Variants in RNF213 observed in about 807,000 individuals in gnomAD.
RNF213 encodes the protein E3 ubiquitin-protein ligase RNF213.
In RNF213, 341 loss-of-function variants were observed where a neutral mutation model predicts 514.4. That is an observed-to-expected ratio of 0.66 (90% CI 0.61 to 0.73). The LOEUF is 0.73. RNF213 is among the 30% of genes least tolerant of loss of function. RNF213 has a pLI of 0.00. For synonymous variants in RNF213, 2,655 were observed against 2,658.2 expected (o/e 1.00, Z 0.04); for missense variants, 5,767 against 6,615.6 (o/e 0.87, Z 4.45).
chr17:80,320,249 C>T (rs2046094067), intron 17 of RNF213: 1 of 153,728 alleles, frequency 6.5e-6, no homozygotes, highest in Non-Finnish European at 1.4e-5. Context: ...GCTTCTGTGG[C>T]TTTCTCTGTT....
intron 64 of RNF213, 161 bp from the exon 65 acceptor site, chr17:80,389,012 C>T (rs1190259662): frequency 1.5e-6 from 1 of 685,180 alleles, no homozygotes; most frequent in African/African-American, 1.8e-5. Context: ...TCTCCATGGC[C>T]TCCAGGAACT....
intron 25 of RNF213, among the ~76,000 whole-genome samples, chr17:80,338,783 A>G (rs893544527): frequency 4.0e-5 from 6 of 151,800 alleles, no homozygotes; most frequent in African/African-American, 1.5e-4. Context: ...CCCCATCTCT[A>G]CTAAAATTAC....
chr17:80,379,653 G>T lies in RNF213; in HGVS notation c.13579G>T (p.Asp4527Tyr), dbSNP rs2079905958. The T allele has an allele frequency of 6.2e-7, 1 of 1,614,116 alleles. No individual in the cohort carries two copies. Among genetic ancestry groups the T allele is most frequent in the South Asian group, 1.1e-5 (1 of 91,078 alleles). The change falls in exon 55 of 68, where the codon GAC (aspartate) becomes TAC (tyrosine). Residue 4527 changes from aspartate to tyrosine, a missense_variant. Asp to Tyr is a radical substitution (Grantham distance 160, BLOSUM62 -3). Transcript: ENST00000582970. ...GCCGATGGAACAGAGCATCTGCATTGACTGCCATGCGCCGATTGGAGGCAT... is the reference window on the plus strand; with the variant it reads ...GCCGATGGAACAGAGCATCTGCATTTACTGCCATGCGCCGATTGGAGGCAT... ...GRPMEQSICI[D>Y]CHAPIGGIDH... is the part of the protein sequence containing the mutation.
intron 67 of RNF213, among the ~76,000 whole-genome samples, chr17:80,391,049 G>A (rs533957807): frequency 4.9e-4 from 75 of 152,154 alleles, no homozygotes; most frequent in African/African-American, 1.6e-3. Flanking sequence ...GCAACAGAGG[G>A]AGACTTCATC....
At position 80,339,571 on chromosome 17, in the gene RNF213, A is replaced by C; in HGVS notation, c.5204A>C (p.Asn1735Thr). ...ACGATGCTATCCTTCATCAAAAGCA[A>C]CTGCACCCTGAGGGATGTCTTAAGG... ...ALTMLSFIKS[N>T]CTLRDVLRAS... The change falls in exon 26 of 68, where the codon AAC (asparagine) becomes ACC (threonine). Residue 1735 changes from asparagine to threonine, a missense_variant. Coordinates refer to ENST00000582970, the MANE Select transcript of RNF213 (RefSeq NM_001256071.3). The C allele has an allele frequency of 6.5e-7, 1 of 1,537,164 alleles. No individual in the cohort carries two copies. Among genetic ancestry groups the C allele is most frequent in the Non-Finnish European group, 8.7e-7 (1 of 1,146,874 alleles).
intron 12 of RNF213, 132 bp downstream of exon 12, chr17:80,306,600 C>T: frequency 1.1e-6 from 1 of 918,654 alleles, no homozygotes; most frequent in East Asian, 2.7e-5. Flanking sequence ...CGCCTGAATC[C>T]CAGCACTTTG....
At position 80,359,729 on chromosome 17, in the gene RNF213, CA is replaced by C. The variant is rs1211836036; in HGVS notation, c.11055-330del. 4.6e-5 allele frequency among the ~76,000 whole-genome samples: 7 copies of C among 152,162 alleles called. No individual in the cohort carries two copies. In the East Asian group the frequency reaches 1.3e-3, roughly 29 times the overall value. On this transcript the variant is annotated intron_variant, in intron 37 of 67. Transcript: ENST00000582970. ...GATGTTCATGAAGCAAAGACTCTAACAAGTTGTGCTCTGTGTTACAAGTTAT... is the reference window on the plus strand; with the variant it reads ...GATGTTCATGAAGCAAAGACTCTAACAGTTGTGCTCTGTGTTACAAGTTAT...
At chr17:80,277,804 G>T (rs748901672) in intron 3 of RNF213, among the ~76,000 whole-genome samples, 3 of 152,160 alleles carry the variant, frequency 2.0e-5, no homozygotes, top group Non-Finnish European at 2.9e-5. Flanking sequence ...CGCAGACGCC[G>T]CATTCTAACC....
At chr17:80,319,773 T>A (rs2046076002) in intron 17 of RNF213, 2 of 1,271,218 alleles carry the variant, frequency 1.6e-6, no homozygotes, top group Admixed American at 6.7e-5. Context: ...GGGGAAGAGA[T>A]TGTGCCCCCC....
chr17:80,340,608 G>GTT lies in RNF213; in HGVS notation c.5989+252_5989+253insTT, dbSNP rs1203042611. 1.5e-3 allele frequency: 344 copies of GTT among 224,806 alleles called. 2 individuals are homozygous for GTT. The highest frequency in any genetic ancestry group is 2.1e-3 in the Non-Finnish European group (263 of 123,616). The allele number at this position is 224,806 out of a possible 1,614,324, so 13.9% of individuals were successfully genotyped here. On this transcript the variant is annotated intron_variant, in intron 26 of 67. Coordinates refer to ENST00000582970, the MANE Select transcript of RNF213 (RefSeq NM_001256071.3). ...CAAACATCTCTGCAGTGTACTTTGTGGTTTTTTTTTTTTTTTTTTTTTTTT... is the reference window on the plus strand; with the variant it reads ...CAAACATCTCTGCAGTGTACTTTGTGTTGTTTTTTTTTTTTTTTTTTTTTTTT...
intron 20 of RNF213, among the ~76,000 whole-genome samples, chr17:80,330,783 G>A (rs937640297): frequency 6.6e-6 from 1 of 152,214 alleles, no homozygotes; most frequent in Non-Finnish European, 1.5e-5. Context: ...CACCTGCTGT[G>A]TCAGGGCATT....
chr17:80,380,417 G>A (rs1348119837), intron 55 of RNF213, among the ~76,000 whole-genome samples: 2 of 152,254 alleles, frequency 1.3e-5, no homozygotes, highest in Non-Finnish European at 2.9e-5. Flanking sequence ...CTCTCTGCCG[G>A]ACTTTAGATC....
Position 80,398,189 on chromosome 17 carries a change from G to A in RNF213, c.*4691G>A, listed in dbSNP as rs1247955713. 3 of 151,916 alleles carry A rather than the reference G, an allele frequency of 2.0e-5. No individual in the cohort carries two copies. The highest frequency in any genetic ancestry group is 4.4e-5 in the Non-Finnish European group (3 of 68,026). 9.4% of individuals were successfully genotyped at this position (151,916 alleles called of 1,614,324 possible). On this transcript the variant is annotated 3_prime_UTR_variant, in exon 68 of 68. Transcript: ENST00000582970. ...GATACTTTGGTTTTGGTTTTGACCT[G>A]ACTTGGATATCCTGATACTCTGATT...
rs1275049093 is a variant in RNF213 at position 80,317,172 on chromosome 17, T to G, written c.2812-16T>G. ...TAGTCGTGAGAGTGGGTGTGACCTGTGTGCGGGTTTTGCAGGTCTGGAGGC... is the reference window on the plus strand; with the variant it reads ...TAGTCGTGAGAGTGGGTGTGACCTGGGTGCGGGTTTTGCAGGTCTGGAGGC... On this transcript the variant is annotated splice_polypyrimidine_tract_variant and intron_variant, in intron 15 of 67. Transcript: ENST00000582970. The surrounding 1 kb of genome is among the most constrained non-coding windows in gnomAD (Gnocchi z 4.1). The G allele has an allele frequency of 6.2e-7, 1 of 1,609,428 alleles. No homozygotes were observed. The highest frequency in any genetic ancestry group is 8.5e-7 in the Non-Finnish European group (1 of 1,178,574).
chr17:80,346,301 G>A lies in RNF213; in HGVS notation c.7966G>A (p.Ala2656Thr), dbSNP rs747894921. The change falls in exon 29 of 68, where the codon GCG becomes ACG. Residue 2656 changes from alanine to threonine, a missense_variant. Ala to Thr is a moderately conservative substitution (Grantham distance 58). Around this residue, in one of 13 missense-constraint regions of RNF213, gnomAD observed 1,377 missense variants for 1,635.2 expected, o/e 0.84. Coordinates refer to ENST00000582970, the MANE Select transcript of RNF213 (RefSeq NM_001256071.3). The surrounding 1 kb of genome is among the most constrained non-coding windows in gnomAD (Gnocchi z 8.1). ...KVFRWFHEHS[A>T]MLLAQLNAFL... is the part of the protein sequence containing the mutation. ...TTTCAGGTGGTTCCACGAGCACAGC[G>A]CGATGCTCTTAGCGCAGCTGAATGC... The A allele has an allele frequency of 2.1e-5, 34 of 1,613,988 alleles. 1 individual carries two copies. In the South Asian group the frequency reaches 2.4e-4, roughly 11 times the overall value.
chr17:80,345,082 G>A lies in RNF213; in HGVS notation c.6747G>A (p.Lys2249=). The change falls in exon 29 of 68, where the codon AAG becomes AAA. Residue 2249 remains lysine, a synonymous_variant. Coordinates refer to ENST00000582970, the MANE Select transcript of RNF213 (RefSeq NM_001256071.3). This position sits in a 1 kb window ranked among gnomAD's most constrained non-coding sequence, Gnocchi z 6.0. ...FIGDTLRGFK[K]FVVTFMIFMA... ...GCGACACACTGAGGGGCTTCAAGAAGTTCGTGGTGACCTTCATGATCTTTA... is the reference window on the plus strand; with the variant it reads ...GCGACACACTGAGGGGCTTCAAGAAATTCGTGGTGACCTTCATGATCTTTA... 1 of 1,614,130 alleles carries A rather than the reference G, an allele frequency of 6.2e-7. No homozygotes were observed. The highest frequency in any genetic ancestry group is 8.5e-7 in the Non-Finnish European group (1 of 1,180,032).
At chr17:80,291,904 C>G (rs1487639731) in intron 8 of RNF213, 77 bp downstream of exon 8, 1 of 1,497,962 alleles carries the variant, frequency 6.7e-7, no homozygotes, top group Non-Finnish European at 9.2e-7. Flanking sequence ...ACGCGTCTCT[C>G]TGGAGAGCAC....
rs142915932 is a variant in RNF213 at position 80,393,790 on chromosome 17, T to C, written c.*292T>C. The C allele has an allele frequency of 4.1e-5, 16 of 394,476 alleles. No homozygotes were observed. Among genetic ancestry groups the C allele is most frequent in the Admixed American group, 1.1e-4 (3 of 26,854 alleles). 24.4% of individuals were successfully genotyped at this position (394,476 alleles called of 1,614,324 possible). On this transcript the variant is annotated 3_prime_UTR_variant, in exon 68 of 68. Transcript: ENST00000582970. ...AAATTGGAAATAAACCAACATTGTT[T>C]ACATTCCAGGAGACTTGTAGCTCAG...
At chr17:80,381,893 GCGATGCCTGGGGCT>G in intron 57 of RNF213, 166 bp downstream of exon 57, 3 of 721,852 alleles carry the variant, frequency 4.2e-6, no homozygotes, top group Non-Finnish European at 7.0e-6. Flanking sequence ...TCTAGGGAAG[GCGATGCCTGGGGCT>G]GGAAAAAGGA....
Sources: allele counts gnomAD v4.1 joint callset (sites outside exome capture counted in the v4.1 genomes callset), GRCh38; gene constraint gnomAD v4.1.1; regional missense constraint gnomAD v4.1.1; non-coding constraint Gnocchi (gnomAD v3.1); transcripts MANE v1.5; gene names NCBI Gene and HGNC (gene_info 2026-07-23, HGNC 2026-07-21).